ETS1: variants seen among roughly 807,000 people sequenced by gnomAD.
The protein encoded by ETS1 is protein C-ets-1.
In ETS1, 15 loss-of-function variants were observed where a neutral mutation model predicts 58.6. The ratio of observed to expected loss-of-function variants is 0.26; its 90% CI spans 0.17 to 0.39. The LOEUF (loss-of-function observed/expected upper bound fraction) is 0.39. ETS1 is among the 10% of genes least tolerant of loss of function. ETS1 has a pLI of 1.00. For missense variants in ETS1, 417 were observed against 610.5 expected (o/e 0.68, Z 3.34); for synonymous variants, 214 against 218.2 (o/e 0.98, Z 0.17).
intron 3 of ETS1, among the ~76,000 whole-genome samples, chr11:128,546,381 TATACA>T (rs1468597662): frequency 6.6e-6 from 1 of 152,210 alleles, no homozygotes; most frequent in Non-Finnish European, 1.5e-5. Context: ...GTCATTCCTG[TATACA>T]GTCTCTTGGC....
intron 3 of ETS1, among the ~76,000 whole-genome samples, chr11:128,518,403 CT>C (rs1863579979): frequency 6.6e-6 from 1 of 152,214 alleles, no homozygotes; most frequent in Non-Finnish European, 1.5e-5. Context: ...CTGTAGTTAA[CT>C]GCTAAATAGT....
intron 1 of ETS1, among the ~76,000 whole-genome samples, chr11:128,576,683 C>A (rs76284158): frequency 0.057 from 8,593 of 152,038 alleles, 351 homozygotes; most frequent in Middle Eastern, 0.082. Flanking sequence ...GCTGTGCCCC[C>A]CCATGCTCCC....
In ETS1 at chr11:128,463,185, C is replaced by T. The variant is rs143272435; in HGVS notation, c.1242+324G>A. Among the ~76,000 whole-genome samples the T allele has an allele frequency of 8.8e-4, 134 of 152,308 alleles. No individual in the cohort carries two copies. Among genetic ancestry groups the T allele is most frequent in the African/African-American group, 3.0e-3 (124 of 41,568 alleles). The stretch of plus-strand genomic sequence containing the variant: ...CCAAGGCCTCTTGAACTGTCTGGCC[C>T]CTTTCACACTCACAGAGCCACCGGG... On this transcript the variant is annotated intron_variant, in intron 9 of 9. Coordinates refer to ENST00000392668, the MANE Select transcript of ETS1 (RefSeq NM_001143820.2). This position sits in a 1 kb window ranked among gnomAD's most constrained non-coding sequence, Gnocchi z 4.1.
At chr11:128,577,560 A>G (rs1246987458) in intron 1 of ETS1, among the ~76,000 whole-genome samples, 3 of 152,256 alleles carry the variant, frequency 2.0e-5, no homozygotes, top group Non-Finnish European at 4.4e-5. Flanking sequence ...GTTAAATACA[A>G]TAGTGTAAGT....
At chr11:128,531,417 G>A (rs905997541) in intron 3 of ETS1, among the ~76,000 whole-genome samples, 5 of 152,150 alleles carry the variant, frequency 3.3e-5, no homozygotes, top group South Asian at 4.1e-4. Flanking sequence ...TTGTGACTTC[G>A]GATTTAGTGA....
At chr11:128,583,226 G>A (rs1591681415) in intron 1 of ETS1, among the ~76,000 whole-genome samples, 1 of 152,232 alleles carries the variant, frequency 6.6e-6, no homozygotes, top group Non-Finnish European at 1.5e-5. Flanking sequence ...TTAGGAGGCA[G>A]AGCCCAAGGA....
intron 2 of ETS1, among the ~76,000 whole-genome samples, chr11:128,563,666 G>A (rs564213585): frequency 3.9e-4 from 60 of 152,290 alleles, no homozygotes; most frequent in Non-Finnish European, 6.2e-4. Context: ...AAAAGTTATC[G>A]GAGGTATAAT....
intron 3 of ETS1, among the ~76,000 whole-genome samples, chr11:128,524,194 A>G (rs1179996956): frequency 6.6e-6 from 1 of 152,208 alleles, no homozygotes; most frequent in African/African-American, 2.4e-5. Context: ...ATTAGATACT[A>G]AAAAAGCCCA....
intron 3 of ETS1, chr11:128,522,088 C>A (rs1259698083): frequency 3.7e-6 from 5 of 1,334,204 alleles, no homozygotes; most frequent in African/African-American, 1.5e-5. Flanking sequence ...GGGAAGGGGA[C>A]GGGGGAAATC....
At chr11:128,578,062 A>G (rs1290097999) in intron 1 of ETS1, among the ~76,000 whole-genome samples, 2 of 152,118 alleles carry the variant, frequency 1.3e-5, no homozygotes, top group East Asian at 3.9e-4. Context: ...CCAAAAAATC[A>G]CTTTAAAACT....
intron 1 of ETS1, among the ~76,000 whole-genome samples, chr11:128,576,648 G>C (rs1864755100): frequency 6.6e-6 from 1 of 152,098 alleles, no homozygotes; most frequent in Non-Finnish European, 1.5e-5. Context: ...CAGAAAGGAG[G>C]CTGCCCTGCT....
At position 128,470,582 on chromosome 11, in the gene ETS1, A is replaced by G. The variant is rs1862161060; in HGVS notation, c.1124-6955T>C. Among the ~76,000 whole-genome samples, 2 of 152,324 alleles carry G rather than the reference A, an allele frequency of 1.3e-5. 1 individual carries two copies. Among genetic ancestry groups the G allele is most frequent in the Non-Finnish European group, 2.9e-5 (2 of 68,028 alleles). On this transcript the variant is annotated intron_variant, in intron 8 of 9. Transcript: ENST00000392668. ...GAGAAAGACACTTAAAGAGGTGAAC[A>G]ATTTAGGAGCAACTGAATATACAAT...
intron 3 of ETS1, among the ~76,000 whole-genome samples, chr11:128,538,655 G>T (rs759315753): frequency 6.6e-6 from 1 of 152,112 alleles, no homozygotes; most frequent in Non-Finnish European, 1.5e-5. Flanking sequence ...TTTAAACAGG[G>T]TAATGTATGT....
chr11:128,466,278 A>G (rs562335266), intron 8 of ETS1, among the ~76,000 whole-genome samples: 1 of 151,970 alleles, frequency 6.6e-6, no homozygotes, highest in Non-Finnish European at 1.5e-5. Flanking sequence ...CTATCTGAAA[A>G]TCTCTTTGGG....
intron 3 of ETS1, among the ~76,000 whole-genome samples, chr11:128,547,633 T>C (rs767768800): frequency 6.6e-6 from 1 of 151,584 alleles, no homozygotes; most frequent in Non-Finnish European, 1.5e-5. Flanking sequence ...GGTGGCTTTG[T>C]TTTTTTGGTT....
At chr11:128,551,883 C>G (rs185930778) in intron 3 of ETS1, among the ~76,000 whole-genome samples, 2 of 152,230 alleles carry the variant, frequency 1.3e-5, no homozygotes, top group Admixed American at 1.3e-4. Flanking sequence ...AGTGTGATCT[C>G]TAGACCAGCA....
chr11:128,504,547 A>G (rs779868670), intron 3 of ETS1, among the ~76,000 whole-genome samples: 3 of 152,270 alleles, frequency 2.0e-5, no homozygotes, highest in Non-Finnish European at 4.4e-5. Flanking sequence ...GTCTTACACT[A>G]TTCCTGGAAT....
Position 128,486,122 on chromosome 11 carries a change from T to A in ETS1, c.560A>T (p.Asn187Ile). ...QKEDVKPYQVNGVNPAYPESR... is the reference protein window; with the variant it reads ...QKEDVKPYQVIGVNPAYPESR... Reference sequence around the variant, plus strand: ...TTCTGGATAGGCTGGGTTGACTCCATTAACTTGATATGGTTTCACATCCTC... The same window carrying A: ...TTCTGGATAGGCTGGGTTGACTCCAATAACTTGATATGGTTTCACATCCTC... Residue 187 changes from asparagine to isoleucine, a missense_variant, in exon 6 of 10, where the codon AAT becomes ATT. Around this residue, in one of 4 missense-constraint regions of ETS1, gnomAD observed 132 missense variants for 212.1 expected, o/e 0.62. Transcript: ENST00000392668. 6.2e-7 allele frequency: 1 copy of A among 1,610,478 alleles called. No homozygotes were observed. Among genetic ancestry groups the A allele is most frequent in the Non-Finnish European group, 8.5e-7 (1 of 1,176,758 alleles).
At chr11:128,534,212 T>G (rs1326115457) in intron 3 of ETS1, among the ~76,000 whole-genome samples, 1 of 152,200 alleles carries the variant, frequency 6.6e-6, no homozygotes, top group African/African-American at 2.4e-5. Context: ...TTCAAACTAG[T>G]CTTTGAGGTT....
Sources: allele counts gnomAD v4.1 joint callset (sites outside exome capture counted in the v4.1 genomes callset), GRCh38; gene constraint gnomAD v4.1.1; regional missense constraint gnomAD v4.1.1; non-coding constraint Gnocchi (gnomAD v3.1); transcripts MANE v1.5; gene names NCBI Gene and HGNC (gene_info 2026-07-23, HGNC 2026-07-21).